COL25A1: variants seen among roughly 807,000 people sequenced by gnomAD.
COL25A1 encodes collagen alpha-1(XXV) chain.
COL25A1 carries 103 observed loss-of-function variants against 128.4 expected under a neutral mutation model. The observed-to-expected ratio is 0.80, with a 90% CI of 0.68 to 0.94. The LOEUF is 0.94. COL25A1 is among the 40% of genes least tolerant of loss of function. The pLI is 0.00. For synonymous variants in COL25A1, 279 were observed against 277.2 expected (o/e 1.01, Z -0.06); for missense variants, 745 against 840.0 (o/e 0.89, Z 1.40).
intron 6 of COL25A1, among the ~76,000 whole-genome samples, chr4:108,983,045 GTTTTC>G (rs1753170436): frequency 6.6e-6 from 1 of 152,156 alleles, no homozygotes; most frequent in Admixed American, 6.5e-5. Flanking sequence ...GCTCTCTCTG[GTTTTC>G]TTTTCTAACA....
intron 6 of COL25A1, among the ~76,000 whole-genome samples, chr4:108,997,039 T>C (rs10001706): frequency 0.8 from 121,033 of 152,058 alleles, 49,319 homozygotes; most frequent in East Asian, 1. Context: ...AACCTAAAAT[T>C]GACACCCTAA....
chr4:109,093,647 G>GA (rs912343086), intron 3 of COL25A1, among the ~76,000 whole-genome samples: 4 of 148,950 alleles, frequency 2.7e-5, no homozygotes, highest in African/African-American at 4.9e-5. Flanking sequence ...TCTCTTAAAA[G>GA]AAAAAAAAAG....
chr4:108,995,326 A>C (rs1471330573), intron 6 of COL25A1, among the ~76,000 whole-genome samples: 1 of 152,250 alleles, frequency 6.6e-6, no homozygotes, highest in Non-Finnish European at 1.5e-5. Context: ...ACACGTGCAC[A>C]AGCTTCAATA....
At chr4:109,026,100 G>GCACACACACA (rs56718544) in intron 5 of COL25A1, among the ~76,000 whole-genome samples, 3,611 of 137,086 alleles carry the variant, frequency 0.026, 112 homozygotes, top group African/African-American at 0.069. Context: ...AAAACACTTT[G>GCACACACACA]CACACACACA....
chr4:108,993,037 G>A (rs1370598160), intron 6 of COL25A1, among the ~76,000 whole-genome samples: 3 of 152,162 alleles, frequency 2.0e-5, no homozygotes, highest in Non-Finnish European at 4.4e-5. Context: ...ATGTTGTGGT[G>A]AGAACACTTA....
chr4:108,839,723 A>C (rs1336850501), intron 31 of COL25A1, among the ~76,000 whole-genome samples: 8 of 152,338 alleles, frequency 5.3e-5, no homozygotes, highest in Admixed American at 1.3e-4. Flanking sequence ...ACTTGCATAG[A>C]TATCTATGAG....
chr4:109,257,812 A>G (rs1454700989), intron 3 of COL25A1, among the ~76,000 whole-genome samples: 1 of 152,220 alleles, frequency 6.6e-6, no homozygotes, highest in African/African-American at 2.4e-5. Context: ...TCCCAGATTG[A>G]GACTTCAAAG....
chr4:109,144,883 A>G (rs1179460838), intron 3 of COL25A1, among the ~76,000 whole-genome samples: 1 of 152,198 alleles, frequency 6.6e-6, no homozygotes, highest in African/African-American at 2.4e-5. Flanking sequence ...TAATTCAGTC[A>G]TTTCAACTGC....
At chr4:109,160,559 T>C (rs954408788) in intron 3 of COL25A1, among the ~76,000 whole-genome samples, 5 of 152,196 alleles carry the variant, frequency 3.3e-5, no homozygotes, top group African/African-American at 2.4e-5. Flanking sequence ...CAACCTGTCA[T>C]GGATAAGCCA....
chr4:108,921,318 A>G lies in COL25A1; in HGVS notation c.709-714T>C, dbSNP rs1352624705. On this transcript the variant is annotated intron_variant, in intron 11 of 37. Coordinates refer to ENST00000399132, the MANE Select transcript of COL25A1 (RefSeq NM_198721.4). ...TTAGCAGTTTTTCAACCACAAAGTCAGTGTTGGGATTCTCTTGGCTTTATT... is the reference window on the plus strand; with the variant it reads ...TTAGCAGTTTTTCAACCACAAAGTCGGTGTTGGGATTCTCTTGGCTTTATT... Among the ~76,000 whole-genome samples the G allele has an allele frequency of 5.3e-5, 8 of 152,214 alleles. No homozygotes were observed. In the East Asian group the frequency reaches 1.5e-3, roughly 29 times the overall value.
chr4:109,197,476 AT>A (rs1394814139), intron 3 of COL25A1, among the ~76,000 whole-genome samples: 6 of 118,060 alleles, frequency 5.1e-5, no homozygotes, highest in Admixed American at 3.2e-4. Context: ...TATATAATAT[AT>A]ATTATATATT....
chr4:109,197,610 G>A (rs1337946001), intron 3 of COL25A1, among the ~76,000 whole-genome samples: 1 of 147,370 alleles, frequency 6.8e-6, no homozygotes, highest in African/African-American at 2.5e-5. Flanking sequence ...CTCTCATTGG[G>A]AATCATATAA....
At chr4:109,114,563 T>C (rs1199014284) in intron 3 of COL25A1, among the ~76,000 whole-genome samples, 1 of 151,960 alleles carries the variant, frequency 6.6e-6, no homozygotes, top group African/African-American at 2.4e-5. Context: ...GAGCTGCATG[T>C]GAAAGTCATG....
chr4:108,819,905 A>G (rs1438484532), intron 35 of COL25A1: 7 of 1,194,956 alleles, frequency 5.9e-6, no homozygotes, highest in Non-Finnish European at 7.3e-6. Context: ...CCCCCTGTGG[A>G]TACAAGGGTT....
At chr4:109,277,760 C>T (rs946649827) in intron 3 of COL25A1, among the ~76,000 whole-genome samples, 12 of 152,126 alleles carry the variant, frequency 7.9e-5, no homozygotes, top group Admixed American at 2.6e-4. Context: ...AGTTTTCTGG[C>T]CCAATTAATA....
At chr4:108,946,687 T>C (rs951450364) in intron 8 of COL25A1, among the ~76,000 whole-genome samples, 7 of 152,070 alleles carry the variant, frequency 4.6e-5, no homozygotes, top group African/African-American at 1.7e-4. Context: ...ATAAGTATTA[T>C]GGTGGAGAAG....
Position 108,848,784 on chromosome 4 carries a change from C to T in COL25A1, c.1409G>A (p.Gly470Glu). ...QGPKGEQGSP[G>E]IPGMDGEQGL... ...CTGCTCTCCATCCATTCCTGGGATT[C>T]CTGGAGATCCCTGCTCTCCCTATTA... Residue 470 changes from glycine to glutamate, a missense_variant, in exon 27 of 38, where the codon GGA becomes GAA. By Grantham distance (98) the Gly-to-Glu change is moderately conservative (BLOSUM62 -2). This residue lies in a region of COL25A1 where 387 missense variants were observed against 441.9 expected (regional missense o/e 0.88). Coordinates refer to ENST00000399132, the MANE Select transcript of COL25A1 (RefSeq NM_198721.4). 6.2e-7 allele frequency: 1 copy of T among 1,605,742 alleles called. No individual in the cohort carries two copies. The highest frequency in any genetic ancestry group is 8.5e-7 in the Non-Finnish European group (1 of 1,172,740).
chr4:108,877,517 A>G (rs1739590305), intron 19 of COL25A1, among the ~76,000 whole-genome samples: 2 of 152,204 alleles, frequency 1.3e-5, no homozygotes, highest in South Asian at 4.1e-4. Context: ...TATTCATTCT[A>G]TATAAGATAG....
chr4:108,905,161 G>A (rs779386909), intron 13 of COL25A1, among the ~76,000 whole-genome samples: 1 of 152,060 alleles, frequency 6.6e-6, no homozygotes, highest in Non-Finnish European at 1.5e-5. Flanking sequence ...GGACCTATAC[G>A]TTATACCTGG....
Sources: allele counts gnomAD v4.1 joint callset (sites outside exome capture counted in the v4.1 genomes callset), GRCh38; gene constraint gnomAD v4.1.1; regional missense constraint gnomAD v4.1.1; transcripts MANE v1.5; gene names NCBI Gene and HGNC (gene_info 2026-07-23, HGNC 2026-07-21).